Variants in RNF115 observed in about 807,000 individuals in gnomAD.
RNF115 encodes the protein E3 ubiquitin-protein ligase RNF115.
A neutral mutation model predicts 39.2 loss-of-function variants in RNF115; 31 were observed. The observed-to-expected ratio is 0.79, with a 90% confidence interval of 0.59 to 1.07. The LOEUF (loss-of-function observed/expected upper bound fraction) is 1.07. Ranked by LOEUF, RNF115 falls within the 50% of genes least tolerant of loss-of-function variation. RNF115 has a pLI of 0.00. For missense variants in RNF115, 384 were observed against 381.7 expected (o/e 1.01, Z -0.05); for synonymous variants, 124 against 131.0 (o/e 0.95, Z 0.37).
At chr1:145,763,290 C>A (rs1658603156) in intron 4 of RNF115, among the ~76,000 whole-genome samples, 1 of 152,094 alleles carries the variant, frequency 6.6e-6, no homozygotes, top group Non-Finnish European at 1.5e-5. Flanking sequence ...CCCTACACAG[C>A]GAATCAGAAA....
In RNF115 at chr1:145,800,898, A is replaced by G. The variant is rs371348965; in HGVS notation, c.103-11932T>C. Among the ~76,000 whole-genome samples the G allele has an allele frequency of 2.3e-4, 35 of 152,312 alleles. No homozygotes were observed. The East Asian group carries it at 2.9e-3, about 13-fold the overall frequency. ...TGAAAAGGAGCTTTAGGACGGGCGC[A>G]GTGGCTCATGCCTGTAATCCCAGCA... On this transcript the variant is annotated intron_variant, in intron 1 of 8. Transcript: ENST00000582693.
At position 145,823,764 on chromosome 1, in the gene RNF115, G is replaced by A. The variant is rs782290223; in HGVS notation, c.102+8C>T. 3 of 1,561,186 alleles carry A rather than the reference G, an allele frequency of 1.9e-6. No homozygotes were observed. The highest frequency in any genetic ancestry group is 1.4e-5 in the African/African-American group (1 of 70,888). Reference sequence around the variant, plus strand: ...GGTTCCCAAGTATAGAGAACACAGCGCTCTTACCGGTAGTTTGGGGCTGAC... The same window carrying A: ...GGTTCCCAAGTATAGAGAACACAGCACTCTTACCGGTAGTTTGGGGCTGAC... On this transcript the variant is annotated splice_region_variant and intron_variant, in intron 1 of 8. Coordinates refer to ENST00000582693, the MANE Select transcript of RNF115 (RefSeq NM_014455.4).
At chr1:145,774,475 G>A (rs1253560486) in intron 3 of RNF115, among the ~76,000 whole-genome samples, 2 of 151,892 alleles carry the variant, frequency 1.3e-5, no homozygotes, top group South Asian at 2.1e-4. Context: ...TCAGCCTCCC[G>A]AGAAGCTGGG....
chr1:145,746,715 A>C lies in RNF115; in HGVS notation c.*151T>G. 1 of 757,346 alleles carries C rather than the reference A, an allele frequency of 1.3e-6. No homozygotes were observed. Among genetic ancestry groups the C allele is most frequent in the Non-Finnish European group, 2.1e-6 (1 of 486,680 alleles). 46.9% of individuals were successfully genotyped at this position (757,346 alleles called of 1,614,324 possible). On this transcript the variant is annotated 3_prime_UTR_variant, in exon 9 of 9. Coordinates refer to ENST00000582693, the MANE Select transcript of RNF115 (RefSeq NM_014455.4). ...ATTCCATCTGTAGATACTAACTTTA[A>C]ATTTAAAGAAGAAAAACATTCATTG... is the stretch of plus-strand genomic sequence containing the variant.
chr1:145,775,999 AAAAAATAAAAAT>A (rs56326028), intron 3 of RNF115, among the ~76,000 whole-genome samples: 9 of 151,330 alleles, frequency 5.9e-5, no homozygotes, highest in Admixed American at 2.6e-4. Flanking sequence ...CCCTGTCTCA[AAAAAATAAAAAT>A]AAAAATAAAA....
rs782628092 is a variant in RNF115 at position 145,752,986 on chromosome 1, A to G, written c.492T>C (p.Pro164=). ...AACAATTAGTTACTTACCAGGAAAA[A>G]GGGTGTGGAGATCCAGGAATGGCAG... ...ANSAIPGSPH[P]FSWSGMLHSN... Residue 164 remains proline, a synonymous_variant, in exon 5 of 9, where the codon CCT becomes CCC. Transcript: ENST00000582693. The G allele has an allele frequency of 2.5e-6, 4 of 1,596,368 alleles. No individual in the cohort carries two copies. The highest frequency in any genetic ancestry group is 1.1e-5 in the South Asian group (1 of 90,738).
At chr1:145,808,624 T>C (rs1367622692) in intron 1 of RNF115, among the ~76,000 whole-genome samples, 1 of 152,236 alleles carries the variant, frequency 6.6e-6, no homozygotes, top group African/African-American at 2.4e-5. Flanking sequence ...GCCTTTTACA[T>C]GTTATTAAAC....
intron 4 of RNF115, among the ~76,000 whole-genome samples, chr1:145,763,175 A>G (rs587743805): frequency 2.3e-4 from 35 of 152,356 alleles, no homozygotes; most frequent in Non-Finnish European, 4.7e-4. Context: ...AAAAATTAAA[A>G]AATAAAAACC....
chr1:145,807,148 A>G (rs969819635), intron 1 of RNF115, among the ~76,000 whole-genome samples: 3 of 152,248 alleles, frequency 2.0e-5, no homozygotes, highest in Non-Finnish European at 4.4e-5. Context: ...CTGTTATTTT[A>G]ATGTTATTAT....
At chr1:145,754,479 A>C (rs200986956) in intron 4 of RNF115, among the ~76,000 whole-genome samples, 2 of 152,038 alleles carry the variant, frequency 1.3e-5, no homozygotes, top group Non-Finnish European at 2.9e-5. Context: ...TCAGCCTCCC[A>C]AGTAGCTGGG....
At chr1:145,822,294 T>C (rs187248866) in intron 1 of RNF115, among the ~76,000 whole-genome samples, 1,301 of 144,624 alleles carry the variant, frequency 9.0e-3, no homozygotes, top group East Asian at 0.03. Flanking sequence ...TGCTCCTGGG[T>C]GATAGACAGA....
At chr1:145,760,394 T>G (rs1553713681) in intron 4 of RNF115, among the ~76,000 whole-genome samples, 1 of 152,184 alleles carries the variant, frequency 6.6e-6, no homozygotes, top group South Asian at 2.1e-4. Context: ...CTGATATGGT[T>G]TGGCTGTGTC....
At chr1:145,790,228 C>T (rs1386621430) in intron 1 of RNF115, among the ~76,000 whole-genome samples, 1 of 152,076 alleles carries the variant, frequency 6.6e-6, no homozygotes, top group Non-Finnish European at 1.5e-5. Flanking sequence ...ACAACCTCTG[C>T]CTCCCAGGTT....
chr1:145,777,961 C>T (rs942914952), intron 3 of RNF115, among the ~76,000 whole-genome samples: 11 of 152,076 alleles, frequency 7.2e-5, no homozygotes, highest in African/African-American at 1.4e-4. Context: ...TACCATATGA[C>T]GCAGCAATTT....
intron 8 of RNF115, among the ~76,000 whole-genome samples, chr1:145,747,516 G>A (rs1250135922): frequency 6.6e-6 from 1 of 152,102 alleles, no homozygotes; most frequent in Admixed American, 6.5e-5. Context: ...GGTGGTGCAC[G>A]CCTGTAATCC....
intron 3 of RNF115, among the ~76,000 whole-genome samples, chr1:145,777,370 C>A (rs1647933073): frequency 6.6e-6 from 1 of 152,100 alleles, no homozygotes; most frequent in African/African-American, 2.4e-5. Context: ...AGGATCCATG[C>A]TTAAAAACAG....
chr1:145,804,841 A>ATGGAGAT (rs1399875177), intron 1 of RNF115, among the ~76,000 whole-genome samples: 5 of 152,148 alleles, frequency 3.3e-5, no homozygotes, highest in African/African-American at 9.7e-5. Context: ...AAGTGGAGGG[A>ATGGAGAT]TGGAGATAGG....
chr1:145,795,550 G>T (rs1179035207), intron 1 of RNF115, among the ~76,000 whole-genome samples: 2 of 152,042 alleles, frequency 1.3e-5, no homozygotes, highest in Non-Finnish European at 2.9e-5. Context: ...ACTGATTGGC[G>T]CATTTACAAT....
At chr1:145,790,829 T>C (rs1648631608) in intron 1 of RNF115, among the ~76,000 whole-genome samples, 1 of 152,116 alleles carries the variant, frequency 6.6e-6, no homozygotes, top group Non-Finnish European at 1.5e-5. Flanking sequence ...AACATTATAA[T>C]AATGATGGGT....
Sources: gnomAD v4.1 joint callset for allele counts (sites outside exome capture counted in the v4.1 genomes callset) on GRCh38, gnomAD v4.1.1 for gene constraint, MANE v1.5 for transcripts, NCBI Gene and HGNC (gene_info 2026-07-23, HGNC 2026-07-21) for gene names.